ADCY8: variants seen among roughly 807,000 people sequenced by gnomAD.
ADCY8 encodes adenylate cyclase type 8.
In ADCY8, 51 loss-of-function variants were observed where a neutral mutation model predicts 119.7. The observed-to-expected ratio is 0.43, with a 90% CI of 0.34 to 0.54. ADCY8 has a LOEUF of 0.54. Ranked by LOEUF, ADCY8 falls within the 20% of genes least tolerant of loss-of-function variation. ADCY8 has a pLI of 0.03. For missense variants in ADCY8, 1,383 were observed against 1,598.8 expected (o/e 0.87, Z 2.30); for synonymous variants, 665 against 651.0 (o/e 1.02, Z -0.33).
At chr8:130,792,300 G>A (rs1047132362) in intron 15 of ADCY8, among the ~76,000 whole-genome samples, 7 of 152,176 alleles carry the variant, frequency 4.6e-5, no homozygotes, top group African/African-American at 1.7e-4. Flanking sequence ...TATCATAGGT[G>A]AGCCTCAGGG....
chr8:131,019,138 G>T (rs1330473079), intron 1 of ADCY8, among the ~76,000 whole-genome samples: 1 of 152,206 alleles, frequency 6.6e-6, no homozygotes, highest in Non-Finnish European at 1.5e-5. Flanking sequence ...TAATGAAAAT[G>T]ATGAGCTGGT....
At chr8:130,997,250 TACATATACATATATAAATAAAA>T (rs1822807129) in intron 1 of ADCY8, among the ~76,000 whole-genome samples, 4 of 151,628 alleles carry the variant, frequency 2.6e-5, no homozygotes, top group African/African-American at 7.2e-5. Flanking sequence ...TATACATATA[TACATATACATATATAAATAAAA>T]ATAAGTACGT....
At chr8:130,863,266 G>A (rs1288079357) in intron 9 of ADCY8, among the ~76,000 whole-genome samples, 1 of 151,614 alleles carries the variant, frequency 6.6e-6, no homozygotes, top group African/African-American at 2.4e-5. Context: ...AGTCTATTTG[G>A]TGTGAAATTG....
At chr8:130,941,859 G>A (rs889758077) in intron 4 of ADCY8, among the ~76,000 whole-genome samples, 2 of 152,090 alleles carry the variant, frequency 1.3e-5, no homozygotes, top group African/African-American at 4.8e-5. Context: ...AAAATATCCT[G>A]CTCTGATTTC....
intron 10 of ADCY8, 77 bp from the exon 11 acceptor site, chr8:130,847,590 T>G: frequency 8.2e-7 from 1 of 1,214,248 alleles, no homozygotes; most frequent in Admixed American, 2.1e-5. Flanking sequence ...GTGCTGGAAA[T>G]GGAGCAGTGT....
intron 5 of ADCY8, among the ~76,000 whole-genome samples, chr8:130,918,735 C>G (rs1820206067): frequency 6.6e-6 from 1 of 152,156 alleles, no homozygotes; most frequent in Non-Finnish European, 1.5e-5. Context: ...TCAAACCCTT[C>G]CATTGGACAA....
At chr8:130,925,824 T>G (rs1215289061) in intron 5 of ADCY8, among the ~76,000 whole-genome samples, 1 of 152,306 alleles carries the variant, frequency 6.6e-6, no homozygotes, top group Non-Finnish European at 1.5e-5. Flanking sequence ...TATCATCCCA[T>G]CCTTTCTATT....
intron 2 of ADCY8, among the ~76,000 whole-genome samples, chr8:130,976,560 C>T (rs1013232487): frequency 6.6e-6 from 1 of 152,124 alleles, no homozygotes; most frequent in Admixed American, 6.5e-5. Flanking sequence ...GTTTCTAATT[C>T]AATTTTTATA....
At chr8:130,893,521 C>T (rs1219206646) in intron 7 of ADCY8, among the ~76,000 whole-genome samples, 1 of 152,132 alleles carries the variant, frequency 6.6e-6, no homozygotes, top group East Asian at 1.9e-4. Context: ...ACTGAATGAC[C>T]TTGGGTTGGC....
intron 1 of ADCY8, among the ~76,000 whole-genome samples, chr8:130,995,096 A>G (rs1327241963): frequency 6.6e-6 from 1 of 152,190 alleles, no homozygotes; most frequent in African/African-American, 2.4e-5. Context: ...GAATCTGGCA[A>G]TATCTGTAAA....
intron 2 of ADCY8, among the ~76,000 whole-genome samples, chr8:130,958,987 T>C (rs1413204696): frequency 1.3e-5 from 2 of 152,204 alleles, no homozygotes; most frequent in African/African-American, 4.8e-5. Flanking sequence ...CTGGTTTATA[T>C]AGGGCCTCAA....
chr8:130,871,831 C>A (rs543066355), intron 8 of ADCY8, among the ~76,000 whole-genome samples: 1 of 152,124 alleles, frequency 6.6e-6, no homozygotes, highest in African/African-American at 2.4e-5. Context: ...GATTACCCAC[C>A]ACCGGGTAGA....
intron 1 of ADCY8, among the ~76,000 whole-genome samples, chr8:131,002,680 G>A (rs574737184): frequency 2.0e-5 from 3 of 151,586 alleles, no homozygotes; most frequent in Non-Finnish European, 1.5e-5. Context: ...AAAAAAATGA[G>A]GCCTCCTGAA....
At chr8:130,882,705 T>C (rs1025268177) in intron 8 of ADCY8, among the ~76,000 whole-genome samples, 1 of 152,224 alleles carries the variant, frequency 6.6e-6, no homozygotes, top group African/African-American at 2.4e-5. Flanking sequence ...TTTTTATTAC[T>C]GTTTTTGTCA....
At chr8:130,918,521 C>G (rs1820199072) in intron 5 of ADCY8, among the ~76,000 whole-genome samples, 1 of 152,038 alleles carries the variant, frequency 6.6e-6, no homozygotes, top group Non-Finnish European at 1.5e-5. Context: ...TTTAAAAAAA[C>G]TATATTATGA....
At chr8:130,866,983 T>C (rs575145660) in intron 9 of ADCY8, among the ~76,000 whole-genome samples, 1 of 152,318 alleles carries the variant, frequency 6.6e-6, no homozygotes, top group Non-Finnish European at 1.5e-5. Flanking sequence ...TGTGTCATCC[T>C]CAGGGGCTAT....
chr8:130,931,466 C>T (rs553593794), intron 5 of ADCY8, among the ~76,000 whole-genome samples: 1 of 152,156 alleles, frequency 6.6e-6, no homozygotes, highest in South Asian at 2.1e-4. Context: ...CTTTCATGTA[C>T]CTGGATATTT....
chr8:130,828,757 T>TG (rs1354199365), intron 12 of ADCY8, among the ~76,000 whole-genome samples: 1 of 152,204 alleles, frequency 6.6e-6, no homozygotes, highest in Admixed American at 6.5e-5. Context: ...AATGGCCATT[T>TG]GGTCCTTACA....
At position 131,019,839 on chromosome 8, in the gene ADCY8, G is replaced by GTCTC. The variant is rs1563770617; in HGVS notation, c.960+19534_960+19535insGAGA. On this transcript the variant is annotated intron_variant, in intron 1 of 17. Transcript: ENST00000286355. ...TCTCTCTCTCTCTCTCTCTCTCTCT[G>GTCTC]TCTGTCTCTCTCTCTCTCTCTCTCT... 6.0e-3 allele frequency among the ~76,000 whole-genome samples: 452 copies of GTCTC among 75,678 alleles called. 1 individual carries two copies. Among genetic ancestry groups the GTCTC allele is most frequent in the South Asian group, 0.037 (71 of 1,894 alleles). The allele number at this position is 75,678 out of a possible 152,430, so 49.6% of individuals were successfully genotyped here.
Sources: allele counts gnomAD v4.1 joint callset (sites outside exome capture counted in the v4.1 genomes callset), GRCh38; gene constraint gnomAD v4.1.1; transcripts MANE v1.5; gene names NCBI Gene and HGNC (gene_info 2026-07-23, HGNC 2026-07-21).